The following ROCK2 variants were observed in gnomAD, a reference collection of about 807,000 sequenced individuals.
The protein encoded by ROCK2 is rho-associated protein kinase 2.
ROCK2 carries 61 observed loss-of-function variants against 195.1 expected under a neutral mutation model. That is an observed-to-expected ratio of 0.31 (90% CI 0.25 to 0.39). ROCK2 has a LOEUF of 0.39. Among genes scored for constraint, ROCK2 ranks in the 10% least tolerant of loss-of-function variants. The pLI, the probability that ROCK2 is intolerant of heterozygous loss-of-function variation, is 1.00. For synonymous variants in ROCK2, 504 were observed against 545.5 expected, an observed-to-expected ratio of 0.92 and a Z score of 1.06; for missense variants, 1,109 against 1,637.4, an observed-to-expected ratio of 0.68 and a Z score of 5.57.
chr2:11,188,037 C>A (rs143460033), intron 32 of ROCK2, among the ~76,000 whole-genome samples: 8 of 150,116 alleles, frequency 5.3e-5, no homozygotes, highest in Middle Eastern at 3.5e-3. Context: ...TTAAATACTG[C>A]GTTAAAAAAA....
intron 3 of ROCK2, among the ~76,000 whole-genome samples, chr2:11,286,139 A>T (rs1349422076): frequency 1.3e-5 from 2 of 149,316 alleles, no homozygotes; most frequent in Admixed American, 1.4e-4. Context: ...TCCAATTGGT[A>T]CCAGTATGGC....
chr2:11,325,921 T>C (rs1469377040), intron 1 of ROCK2, among the ~76,000 whole-genome samples: 3 of 152,028 alleles, frequency 2.0e-5, no homozygotes, highest in Admixed American at 2.0e-4. Context: ...CTGGGAACAA[T>C]GTGAGGTCAA....
chr2:11,183,939 G>A lies in ROCK2; in HGVS notation c.4164-499C>T, dbSNP rs368595813. Among the ~76,000 whole-genome samples the A allele has an allele frequency of 1.7e-4, 25 of 150,492 alleles. No individual in the cohort carries two copies. In the East Asian group the frequency reaches 2.5e-3, roughly 15 times the overall value. ...GAAATCTGATTATAAATAGATACCA[G>A]TACTACCTGATTTATGTTTTGCAAC... On this transcript the variant is annotated intron_variant, in intron 32 of 32. Transcript: ENST00000315872.
chr2:11,192,112 CT>C lies in ROCK2; in HGVS notation c.4163+35del, dbSNP rs748832043. On this transcript the variant is annotated intron_variant, in intron 32 of 32. Coordinates refer to ENST00000315872, the MANE Select transcript of ROCK2 (RefSeq NM_004850.5). This position sits in a 1 kb window ranked among gnomAD's most constrained non-coding sequence, Gnocchi z 5.0. ...ATAAATAGCAAAATATTTTAATAGA[CT>C]TTTTTTTTTTCCTTACCACATTTTA... 21,868 of 1,040,506 alleles carry C rather than the reference CT, an allele frequency of 0.021. 8 individuals are homozygous for C. The highest frequency in any genetic ancestry group is 0.036 in the South Asian group (1,947 of 54,780). The allele number at this position is 1,040,506 out of a possible 1,614,324, so 64.5% of individuals were successfully genotyped here.
intron 2 of ROCK2, 121 bp downstream of exon 2, chr2:11,287,534 G>A: frequency 2.7e-6 from 1 of 374,398 alleles, no homozygotes; most frequent in Non-Finnish European, 4.9e-6. Context: ...GTAAGCAAAA[G>A]ACTTAAGTTT....
intron 23 of ROCK2, 32 bp from the exon 24 acceptor site, chr2:11,198,806 TC>T: frequency 8.2e-7 from 1 of 1,223,936 alleles, no homozygotes; most frequent in African/African-American, 1.5e-5. Flanking sequence ...AATAATCACA[TC>T]CCAATTTACA....
intron 20 of ROCK2, among the ~76,000 whole-genome samples, chr2:11,202,346 A>C (rs564658523): frequency 5.9e-5 from 9 of 152,168 alleles, no homozygotes; most frequent in African/African-American, 1.9e-4. Context: ...ACTTGTAATT[A>C]CATCATTCTG....
chr2:11,242,654 C>T (rs1174761604), intron 4 of ROCK2, among the ~76,000 whole-genome samples: 1 of 152,160 alleles, frequency 6.6e-6, no homozygotes, highest in African/African-American at 2.4e-5. Flanking sequence ...GGGAGTTAAT[C>T]CTATCGCCCA....
At chr2:11,204,665 G>C (rs541210878) in intron 20 of ROCK2, among the ~76,000 whole-genome samples, 134 of 152,160 alleles carry the variant, frequency 8.8e-4, no homozygotes, top group African/African-American at 3.0e-3. Context: ...CTTTGACTTT[G>C]AACCCTTCCA....
chr2:11,290,596 C>T (rs1039302315), intron 1 of ROCK2, among the ~76,000 whole-genome samples: 6 of 152,064 alleles, frequency 3.9e-5, no homozygotes, highest in Non-Finnish European at 8.8e-5. Flanking sequence ...AAATGACAGC[C>T]CCACTGAGAC....
At chr2:11,308,197 A>G in intron 1 of ROCK2, 2 of 1,569,948 alleles carry the variant, frequency 1.3e-6, no homozygotes, top group Non-Finnish European at 1.8e-6. Context: ...TTCACAGAAG[A>G]AAGAAAACCA....
intron 1 of ROCK2, among the ~76,000 whole-genome samples, chr2:11,322,568 GTTAT>G (rs1213092660): frequency 6.6e-6 from 1 of 151,902 alleles, no homozygotes; most frequent in Non-Finnish European, 1.5e-5. Context: ...CAGGGTGTTT[GTTAT>G]CTGCTGCTCA....
At chr2:11,280,478 A>C (rs900469185) in intron 3 of ROCK2, among the ~76,000 whole-genome samples, 1 of 151,816 alleles carries the variant, frequency 6.6e-6, no homozygotes, top group Non-Finnish European at 1.5e-5. Flanking sequence ...AAAAAAAAAA[A>C]AATTGAGCCA....
Position 11,332,141 on chromosome 2 carries a change from T to TA in ROCK2, c.141+11854dup, listed in dbSNP as rs56733434. Among the ~76,000 whole-genome samples the TA allele has an allele frequency of 4.6e-3, 669 of 145,842 alleles. 3 individuals carry two copies. The highest frequency in any genetic ancestry group is 0.014 in the African/African-American group (564 of 39,632). On this transcript the variant is annotated intron_variant, in intron 1 of 32. Transcript: ENST00000315872. ...GACAACAGAGTGAGACCCCATCTCTTAAAAAAAAAACCTTTTTTTAATTAA... is the reference window on the plus strand; with the variant it reads ...GACAACAGAGTGAGACCCCATCTCTTAAAAAAAAAAACCTTTTTTTAATTAA...
At chr2:11,252,914 G>A (rs999914524) in intron 3 of ROCK2, among the ~76,000 whole-genome samples, 3 of 150,328 alleles carry the variant, frequency 2.0e-5, no homozygotes, top group Non-Finnish European at 3.0e-5. Flanking sequence ...TGCACGTTCC[G>A]TGCATGTATC....
At chr2:11,186,032 G>A (rs1663184777) in intron 32 of ROCK2, among the ~76,000 whole-genome samples, 1 of 152,160 alleles carries the variant, frequency 6.6e-6, no homozygotes, top group Non-Finnish European at 1.5e-5. Flanking sequence ...GGCGATTTCT[G>A]ATACAGCTGG....
rs201490526 is a variant in ROCK2, at chr2:11,340,443, C to CT, written c.141+3552dup. On this transcript the variant is annotated intron_variant, in intron 1 of 32. Transcript: ENST00000315872. ...ATCAACAGTAAGTTCCACACATCAC[C>CT]TTTTTTTTAAAACCTCCCTAGCTAA... Among the ~76,000 whole-genome samples, 1,136 of 152,004 alleles carry CT rather than the reference C, an allele frequency of 7.5e-3. 9 individuals carry two copies. Among genetic ancestry groups the CT allele is most frequent in the Middle Eastern group, 0.01 (3 of 292 alleles).
chr2:11,294,436 T>C (rs892174707), intron 1 of ROCK2, among the ~76,000 whole-genome samples: 1 of 152,130 alleles, frequency 6.6e-6, no homozygotes, highest in African/African-American at 2.4e-5. Flanking sequence ...AATTATATGG[T>C]GTTAATTATA....
intron 3 of ROCK2, among the ~76,000 whole-genome samples, chr2:11,260,319 G>A (rs1441480035): frequency 1.3e-5 from 2 of 151,776 alleles, no homozygotes; most frequent in Non-Finnish European, 2.9e-5. Flanking sequence ...GTGGTGGCAG[G>A]TGCCTGTGAT....
Sources: allele counts gnomAD v4.1 joint callset (sites outside exome capture counted in the v4.1 genomes callset), GRCh38; gene constraint gnomAD v4.1.1; non-coding constraint Gnocchi (gnomAD v3.1); transcripts MANE v1.5; gene names NCBI Gene and HGNC (gene_info 2026-07-23, HGNC 2026-07-21).